The following RBM27 variants were observed in gnomAD, a reference collection of about 807,000 sequenced individuals.
RBM27 encodes the protein RNA binding motif protein 27.
RBM27 carries 22 observed loss-of-function variants against 135.3 expected under a neutral mutation model. The ratio of observed to expected loss-of-function variants is 0.16; its 90% CI spans 0.12 to 0.23. The LOEUF (loss-of-function observed/expected upper bound fraction) is 0.23. RBM27 is among the 10% of genes least tolerant of loss of function. The pLI is 1.00. For missense variants in RBM27, 1,009 were observed against 1,281.0 expected (o/e 0.79, Z 3.24); for synonymous variants, 481 against 442.4 (o/e 1.09, Z -1.10).
At chr5:146,211,464 C>CTTTTTTTTTGTTTTTTTTT in intron 1 of RBM27, among the ~76,000 whole-genome samples, 1 of 49,904 alleles carries the variant, frequency 2.0e-5, no homozygotes, top group Non-Finnish European at 3.7e-5. Flanking sequence ...ATGGTCTTAT[C>CTTTTTTTTTGTTTTTTTTT]TTTTTTTTTT....
chr5:146,286,935 G>A lies in RBM27; in HGVS notation c.*905G>A, dbSNP rs1183708821. 2.0e-5 allele frequency: 3 copies of A among 152,442 alleles called. No homozygotes were observed. Among genetic ancestry groups the A allele is most frequent in the Admixed American group, 6.6e-5 (1 of 15,264 alleles). 9.4% of individuals were successfully genotyped at this position (152,442 alleles called of 1,614,324 possible). ...AACCGCAGGCAGTCTCCAATAAAAG[G>A]TTCAAACCAGCACCTGGATAAATAA... On this transcript the variant is annotated 3_prime_UTR_variant, in exon 21 of 21. Coordinates refer to ENST00000265271, the MANE Select transcript of RBM27 (RefSeq NM_018989.2).
At chr5:146,216,373 T>A (rs1172688426) in intron 1 of RBM27, among the ~76,000 whole-genome samples, 1 of 152,222 alleles carries the variant, frequency 6.6e-6, no homozygotes, top group Non-Finnish European at 1.5e-5. Flanking sequence ...TTTTGGTTTT[T>A]AATTTAAAAT....
chr5:146,285,610 A>AT lies in RBM27; in HGVS notation c.3100-331dup, dbSNP rs1408744314. On this transcript the variant is annotated intron_variant, in intron 20 of 20. Transcript: ENST00000265271. Reference sequence around the variant, plus strand: ...AGGTGTTTGGTCATTTATTTTCCTAATTTTTTATAGAATAAAATTAATTTT... The same window carrying AT: ...AGGTGTTTGGTCATTTATTTTCCTAATTTTTTTATAGAATAAAATTAATTTT... 5.4e-4 allele frequency among the ~76,000 whole-genome samples: 82 copies of AT among 152,208 alleles called. 2 individuals carry two copies. The highest frequency in any genetic ancestry group is 5.3e-3 in the Admixed American group (81 of 15,288).
At chr5:146,271,269 G>A (rs941200372) in intron 18 of RBM27, among the ~76,000 whole-genome samples, 1 of 152,104 alleles carries the variant, frequency 6.6e-6, no homozygotes, top group African/African-American at 2.4e-5. Context: ...GCATGGTGGT[G>A]CTTGCCTGTA....
chr5:146,224,824 C>T (rs1756599735), intron 3 of RBM27, among the ~76,000 whole-genome samples: 1 of 152,062 alleles, frequency 6.6e-6, no homozygotes, highest in Non-Finnish European at 1.5e-5. Flanking sequence ...CCTCCCAAAG[C>T]TCTGGGGTTA....
chr5:146,260,109 G>A (rs1199358666), intron 11 of RBM27, among the ~76,000 whole-genome samples: 1 of 151,774 alleles, frequency 6.6e-6, no homozygotes, highest in African/African-American at 2.4e-5. Flanking sequence ...GACCAGCCTG[G>A]CCAACATGGT....
rs34220307 is a variant in RBM27, at chr5:146,220,489, A to AAT, written c.178+1405_178+1406dup. Among the ~76,000 whole-genome samples, 270 of 104,886 alleles carry AAT rather than the reference A, an allele frequency of 2.6e-3. 5 individuals carry two copies. Among genetic ancestry groups the AAT allele is most frequent in the African/African-American group, 5.8e-3 (191 of 32,866 alleles). The allele number at this position is 104,886 out of a possible 152,430, so 68.8% of individuals were successfully genotyped here. A position where few individuals can be genotyped will look rare whatever the true frequency, so the allele number is the denominator to read the frequency against. ...GAGTCCATCTCAAAAAAAAAAAAAA[A>AAT]ATATATATATATATATATATGTATG... On this transcript the variant is annotated intron_variant, in intron 2 of 20. Transcript: ENST00000265271.
chr5:146,206,303 GTTT>G (rs761175102), intron 1 of RBM27, among the ~76,000 whole-genome samples: 1 of 89,934 alleles, frequency 1.1e-5, no homozygotes, highest in African/African-American at 3.7e-5. Context: ...TTCGTTTTTT[GTTT>G]TTTTTTTTTT....
chr5:146,251,063 C>T (rs935202826), intron 8 of RBM27, among the ~76,000 whole-genome samples: 3 of 96,980 alleles, frequency 3.1e-5, no homozygotes, highest in East Asian at 6.4e-4. Flanking sequence ...GCGTGAGCCA[C>T]GTGAGCCACC....
Position 146,258,463 on chromosome 5 carries a change from A to G in RBM27, c.1609A>G (p.Ile537Val). The G allele has an allele frequency of 6.3e-7, 1 of 1,574,946 alleles. No individual in the cohort carries two copies. The highest frequency in any genetic ancestry group is 8.6e-7 in the Non-Finnish European group (1 of 1,161,844). Residue 537 changes from isoleucine (I) to valine (V), a missense_variant, in exon 11 of 21, where the codon ATC (isoleucine) becomes GTC (valine). Around this residue, in one of 6 missense-constraint regions of RBM27, gnomAD observed 329 missense variants for 368.1 expected, o/e 0.89. Coordinates refer to ENST00000265271, the MANE Select transcript of RBM27 (RefSeq NM_018989.2). ...TTTTCCAACAGCTGCTAACATTGTGATCCAGACTGAACCACCAGTTCCTGT... is the reference window on the plus strand; with the variant it reads ...TTTTCCAACAGCTGCTAACATTGTGGTCCAGACTGAACCACCAGTTCCTGT... ...DVNPRAANIVIQTEPPVPVSI... is the reference protein window; with the variant it reads ...DVNPRAANIVVQTEPPVPVSI...
chr5:146,230,713 G>C lies in RBM27; in HGVS notation c.646G>C (p.Val216Leu), dbSNP rs1444642600. ...AAGGAATGACCTGGAGAGTTCCTAT[G>C]TGCCTGTGTCTGCACCACCTCCAAA... ...SERNDLESSY[V>L]PVSAPPPNSS... The change falls in exon 6 of 21, where the codon GTG (valine) becomes CTG (leucine). Residue 216 changes from valine to leucine, a missense_variant. Val to Leu is a conservative substitution (Grantham distance 32). Coordinates refer to ENST00000265271, the MANE Select transcript of RBM27 (RefSeq NM_018989.2). The C allele has an allele frequency of 2.5e-6, 4 of 1,613,888 alleles. No homozygotes were observed. Among genetic ancestry groups the C allele is most frequent in the Non-Finnish European group, 3.4e-6 (4 of 1,179,764 alleles).
intron 9 of RBM27, among the ~76,000 whole-genome samples, chr5:146,252,369 A>G (rs1757927948): frequency 6.6e-6 from 1 of 152,100 alleles, no homozygotes; most frequent in Non-Finnish European, 1.5e-5. Flanking sequence ...GGATCTGTGG[A>G]ATGCTTTGTG....
At chr5:146,236,959 A>G (rs1757189979) in intron 7 of RBM27, among the ~76,000 whole-genome samples, 1 of 86,418 alleles carries the variant, frequency 1.2e-5, no homozygotes, top group African/African-American at 4.7e-5. Flanking sequence ...TTTTTTCGAG[A>G]CAGAGTTTTG....
intron 8 of RBM27, 21 bp from the exon 9 acceptor site, chr5:146,251,690 C>T (rs776901058): frequency 8.2e-6 from 13 of 1,586,972 alleles, no homozygotes; most frequent in East Asian, 4.5e-5. Context: ...CCCAGCTGCC[C>T]TCCTATTCTT....
chr5:146,254,881 A>G, intron 9 of RBM27, 62 bp from the exon 10 acceptor site: 1 of 1,338,238 alleles, frequency 7.5e-7, no homozygotes, highest in Non-Finnish European at 1.0e-6. Flanking sequence ...TTTTATAACA[A>G]TGAGAGATGG....
chr5:146,263,561 A>G lies in RBM27; in HGVS notation c.2261A>G (p.His754Arg), dbSNP rs767183880. The G allele has an allele frequency of 8.1e-6, 13 of 1,614,190 alleles. No individual in the cohort carries two copies. Among genetic ancestry groups the G allele is most frequent in the Non-Finnish European group, 1.0e-5 (12 of 1,180,014 alleles). ...GTTCCTGTTAAACATCGTCTTGGACATGCAGGTGGTAACCAGAGTGATGCA... is the reference window on the plus strand; with the variant it reads ...GTTCCTGTTAAACATCGTCTTGGACGTGCAGGTGGTAACCAGAGTGATGCA... ...NKVPVKHRLG[H>R]AGGNQSDASH... is the part of the protein sequence containing the mutation. Residue 754 changes from histidine (H) to arginine (R), a missense_variant, in exon 14 of 21, where the codon CAT becomes CGT. Physicochemically the swap from His to Arg is conservative, Grantham distance 29. Coordinates refer to ENST00000265271, the MANE Select transcript of RBM27 (RefSeq NM_018989.2).
intron 8 of RBM27, among the ~76,000 whole-genome samples, chr5:146,250,770 C>CTT (rs58027855): frequency 0.029 from 2,099 of 72,674 alleles, 14 homozygotes; most frequent in African/African-American, 0.038. Context: ...TTTTTTTGTC[C>CTT]TTTTTTTTTT....
intron 1 of RBM27, among the ~76,000 whole-genome samples, chr5:146,208,108 C>A (rs934857572): frequency 2.0e-5 from 3 of 151,904 alleles, no homozygotes; most frequent in Non-Finnish European, 2.9e-5. Context: ...AGGTGCCCGC[C>A]ACTACGCCCA....
chr5:146,232,553 G>C (rs1305475208), intron 6 of RBM27, among the ~76,000 whole-genome samples: 1 of 151,854 alleles, frequency 6.6e-6, no homozygotes, highest in African/African-American at 2.4e-5. Context: ...ATTTATTTAG[G>C]CTTCTTAGTA....
Sources: allele counts gnomAD v4.1 joint callset (sites outside exome capture counted in the v4.1 genomes callset), GRCh38; gene constraint gnomAD v4.1.1; regional missense constraint gnomAD v4.1.1; transcripts MANE v1.5; gene names NCBI Gene and HGNC (gene_info 2026-07-23, HGNC 2026-07-21).